Variants in FBN1 observed in about 807,000 individuals in gnomAD.
The protein encoded by FBN1 is fibrillin 1.
In FBN1, 29 loss-of-function variants were observed where a neutral mutation model predicts 365.1. The observed-to-expected ratio is 0.08, with a 90% confidence interval of 0.06 to 0.11. The LOEUF is 0.11. Among genes scored for constraint, FBN1 ranks in the 10% least tolerant of loss-of-function variants. FBN1 has a pLI of 1.00. For synonymous variants in FBN1, 1,210 were observed against 1,270.5 expected, an observed-to-expected ratio of 0.95 and a Z score of 1.01; for missense variants, 2,476 against 3,703.2, an observed-to-expected ratio of 0.67 and a Z score of 8.60.
chr15:48,544,876 C>A (rs761824343), intron 6 of FBN1, among the ~76,000 whole-genome samples: 1 of 152,104 alleles, frequency 6.6e-6, no homozygotes, highest in Non-Finnish European at 1.5e-5. Flanking sequence ...CTGGGAGAAT[C>A]GGTAAAGTCA....
intron 19 of FBN1, 58 bp downstream of exon 19, chr15:48,497,208 A>G (rs909412248): frequency 2.5e-6 from 4 of 1,610,854 alleles, no homozygotes; most frequent in Non-Finnish European, 3.4e-6. Context: ...TCTCCCAGCA[A>G]TGAAAGAAGG....
At chr15:48,523,136 A>G (rs1193112761) in intron 9 of FBN1, among the ~76,000 whole-genome samples, 1 of 152,262 alleles carries the variant, frequency 6.6e-6, no homozygotes, top group Non-Finnish European at 1.5e-5. Flanking sequence ...AAGACTGTTC[A>G]GAATGGGAAG....
intron 6 of FBN1, among the ~76,000 whole-genome samples, chr15:48,589,591 T>C (rs1212318191): frequency 2.6e-5 from 4 of 151,400 alleles, no homozygotes; most frequent in Non-Finnish European, 5.9e-5. Context: ...GCCCCTGCTA[T>C]CTACACATTG....
intron 2 of FBN1, among the ~76,000 whole-genome samples, chr15:48,639,109 G>A (rs1370169060): frequency 6.6e-6 from 1 of 152,146 alleles, no homozygotes; most frequent in Non-Finnish European, 1.5e-5. Flanking sequence ...AATTTTAAGT[G>A]GAATTTTACC....
chr15:48,532,387 T>A (rs1212182103), intron 8 of FBN1, among the ~76,000 whole-genome samples: 2 of 149,656 alleles, frequency 1.3e-5, no homozygotes, highest in African/African-American at 5.1e-5. Context: ...TGTGATAAAC[T>A]TTAATGGCTT....
At position 48,639,836 on chromosome 15, in the gene FBN1, T is replaced by A. The variant is rs991084922; in HGVS notation, c.164+4770A>T. 5.3e-5 allele frequency among the ~76,000 whole-genome samples: 8 copies of A among 152,260 alleles called. No individual in the cohort carries two copies. In the East Asian group the frequency reaches 1.4e-3, roughly 26 times the overall value. ...GGTTCATGTTTAAAAACAAAGAAAT[T>A]GTTAAAAGAATGTATTTCTCTTTCA... On this transcript the variant is annotated intron_variant, in intron 2 of 65. Transcript: ENST00000316623.
chr15:48,452,487 A>G (rs752816279), intron 45 of FBN1, 75 bp downstream of exon 45: 51 of 1,543,192 alleles, frequency 3.3e-5, no homozygotes, highest in Non-Finnish European at 3.9e-5. Flanking sequence ...CTATCTGAAA[A>G]TAAATCCAGA....
Position 48,475,353 on chromosome 15 carries a change from C to A in FBN1, c.3965-703G>T, listed in dbSNP as rs140424264. 3.3e-4 allele frequency among the ~76,000 whole-genome samples: 50 copies of A among 152,166 alleles called. 1 individual carries two copies. The highest frequency in any genetic ancestry group is 1.2e-3 in the African/African-American group (48 of 41,504). On this transcript the variant is annotated intron_variant, in intron 32 of 65. Coordinates refer to ENST00000316623, the MANE Select transcript of FBN1 (RefSeq NM_000138.5). Reference sequence around the variant, plus strand: ...GGATTTTGTCAGAATATAAGGAATACCAGATTAGGGTCACATTACTAAAAG... The same window carrying A: ...GGATTTTGTCAGAATATAAGGAATAACAGATTAGGGTCACATTACTAAAAG...
intron 65 of FBN1, among the ~76,000 whole-genome samples, chr15:48,411,694 A>G (rs1265631171): frequency 6.6e-6 from 1 of 152,196 alleles, no homozygotes; most frequent in African/African-American, 2.4e-5. Context: ...TCTCGGCATC[A>G]CCCCAGAACT....
At chr15:48,456,246 T>G (rs1485949428) in intron 44 of FBN1, among the ~76,000 whole-genome samples, 1 of 152,224 alleles carries the variant, frequency 6.6e-6, no homozygotes, top group Non-Finnish European at 1.5e-5. Context: ...CACTTGGGAG[T>G]AGCAAAGTCT....
At chr15:48,440,877 C>T (rs1331140456) in intron 50 of FBN1, among the ~76,000 whole-genome samples, 19 of 136,210 alleles carry the variant, frequency 1.4e-4, no homozygotes, top group South Asian at 4.9e-4. Flanking sequence ...TTTGGTAATA[C>T]GGAAGCAAAA....
chr15:48,446,888 T>C, intron 46 of FBN1, 66 bp from the exon 47 acceptor site: 1 of 1,096,348 alleles, frequency 9.1e-7, no homozygotes, highest in Non-Finnish European at 1.4e-6. Flanking sequence ...ACGGTTACAG[T>C]GGCTAAAGAG....
chr15:48,526,328 G>T lies in FBN1; in HGVS notation c.863-73C>A, dbSNP rs1597587636. The stretch of plus-strand genomic sequence containing the variant: ...AACCATTCGTCAGTAGAAGGACTCA[G>T]ATGTTAACACTAGTCAAATCATGTC... On this transcript the variant is annotated intron_variant, in intron 8 of 65. Transcript: ENST00000316623. 1.7e-5 allele frequency: 26 copies of T among 1,517,410 alleles called. No homozygotes were observed. The South Asian group carries it at 2.9e-4, about 17-fold the overall frequency. 94.0% of individuals were successfully genotyped at this position (1,517,410 alleles called of 1,614,324 possible).
chr15:48,493,234 G>T (rs1410662144), intron 23 of FBN1, among the ~76,000 whole-genome samples: 2 of 151,998 alleles, frequency 1.3e-5, no homozygotes, highest in Non-Finnish European at 2.9e-5. Flanking sequence ...GCCTAATGGA[G>T]AGCAATATGT....
Position 48,463,975 on chromosome 15 carries a change from A to G in FBN1, c.4989T>C (p.Cys1663=). 1 of 1,613,892 alleles carries G rather than the reference A, an allele frequency of 6.2e-7. No individual in the cohort carries two copies. The part of the protein sequence containing the change: ...ETPGICGPGT[C]YNTVGNYTCI... ...AGGTGTAGTTGCCAACGGTGTTGTAACATGTCCCTGGACCACAGATTCCAG... is the reference window on the plus strand; with the variant it reads ...AGGTGTAGTTGCCAACGGTGTTGTAGCATGTCCCTGGACCACAGATTCCAG... Residue 1663 remains cysteine (C), a synonymous_variant, in exon 41 of 66, where the codon TGT becomes TGC. Coordinates refer to ENST00000316623, the MANE Select transcript of FBN1 (RefSeq NM_000138.5).
intron 2 of FBN1, among the ~76,000 whole-genome samples, chr15:48,628,487 C>T (rs993775208): frequency 2.6e-5 from 4 of 152,106 alleles, no homozygotes; most frequent in African/African-American, 9.7e-5. Flanking sequence ...TGAGTGCTTC[C>T]ACCTTGACAC....
intron 4 of FBN1, among the ~76,000 whole-genome samples, chr15:48,609,721 G>C (rs1196307915): frequency 6.6e-6 from 1 of 152,154 alleles, no homozygotes; most frequent in Non-Finnish European, 1.5e-5. Context: ...ATGCTCTCTG[G>C]CCAGAAAAGT....
intron 8 of FBN1, among the ~76,000 whole-genome samples, chr15:48,527,268 C>T (rs1431928466): frequency 6.6e-6 from 1 of 152,264 alleles, no homozygotes; most frequent in African/African-American, 2.4e-5. Context: ...CAGTAAAATT[C>T]CCTTAGGACA....
Position 48,412,706 on chromosome 15 carries a change from G to T in FBN1, c.8089C>A (p.Pro2697Thr), listed in dbSNP as rs1483017438. ...VSGMGMGRGN[P>T]EPPVSGEMDD... ...ATTTCACCACTGACAGGTGGCTCTG[G>T]GTTTCCTCGGCCCATGCCCATTCCA... The change falls in exon 65 of 66, where the codon CCA (proline) becomes ACA (threonine). Residue 2697 changes from proline to threonine, a missense_variant. By Grantham distance (38) the Pro-to-Thr change is conservative. Coordinates refer to ENST00000316623, the MANE Select transcript of FBN1 (RefSeq NM_000138.5). The T allele has an allele frequency of 6.2e-7, 1 of 1,614,238 alleles. No individual in the cohort carries two copies. Among genetic ancestry groups the T allele is most frequent in the Admixed American group, 1.7e-5 (1 of 60,032 alleles).
Sources: allele counts gnomAD v4.1 joint callset (sites outside exome capture counted in the v4.1 genomes callset), GRCh38; gene constraint gnomAD v4.1.1; transcripts MANE v1.5; gene names NCBI Gene and HGNC (gene_info 2026-07-23, HGNC 2026-07-21).